ZWILCH: variants seen among roughly 807,000 people sequenced by gnomAD.
ZWILCH encodes protein zwilch homolog.
ZWILCH carries 74 observed loss-of-function variants against 79.9 expected under a neutral mutation model. That is an observed-to-expected ratio of 0.93 (90% CI 0.77 to 1.12). The LOEUF is 1.12. Ranked by LOEUF, ZWILCH falls within the 50% of genes most tolerant of loss-of-function variation. The pLI, the probability that ZWILCH is intolerant of heterozygous loss-of-function variation, is 0.00. For missense variants in ZWILCH, 694 were observed against 687.5 expected, an observed-to-expected ratio of 1.01 and a Z score of -0.11; for synonymous variants, 241 against 228.2, an observed-to-expected ratio of 1.06 and a Z score of -0.51.
intron 17 of ZWILCH, among the ~76,000 whole-genome samples, chr15:66,542,579 C>A (rs777851486): frequency 1.3e-5 from 2 of 151,832 alleles, no homozygotes; most frequent in East Asian, 3.9e-4. Context: ...AGCAAGATTT[C>A]GTCTCAAAAA....
chr15:66,518,374 T>C (rs55929621), intron 4 of ZWILCH, among the ~76,000 whole-genome samples: 10,385 of 149,046 alleles, frequency 0.07, 418 homozygotes, highest in Middle Eastern at 0.11. Context: ...CTGCAAGCTC[T>C]GCCTCCCGGG....
chr15:66,544,724 T>TTTTTTTTTTTTTTGTGTGTG (rs145952622), intron 17 of ZWILCH, among the ~76,000 whole-genome samples: 2 of 128,488 alleles, frequency 1.6e-5, no homozygotes, highest in East Asian at 2.5e-4. Flanking sequence ...TTTTTGGTTT[T>TTTTTTTTTTTTTTGTGTGTG]TGTGTGTGTG....
rs2140800875 is a variant in ZWILCH, at chr15:66,538,062, G to A, written c.1574+799G>A. On this transcript the variant is annotated intron_variant, in intron 16 of 18. Coordinates refer to ENST00000307897, the MANE Select transcript of ZWILCH (RefSeq NM_017975.5). The stretch of plus-strand genomic sequence containing the variant: ...AGAGAAGGGTTTGGGATTAGAGGAA[G>A]TAGGGAACTGTGAGGCTGAGATGAT... Among the ~76,000 whole-genome samples the A allele has an allele frequency of 2.0e-5, 3 of 152,338 alleles. No individual in the cohort carries two copies. The South Asian group carries it at 6.2e-4, about 32-fold the overall frequency.
chr15:66,531,760 A>T (rs1330898845), intron 12 of ZWILCH, among the ~76,000 whole-genome samples: 2 of 152,052 alleles, frequency 1.3e-5, no homozygotes, highest in African/African-American at 2.4e-5. Flanking sequence ...CCAGTTCCAG[A>T]AATGGCATTT....
chr15:66,540,334 G>T, intron 17 of ZWILCH, 124 bp downstream of exon 17: 2 of 647,904 alleles, frequency 3.1e-6, no homozygotes, highest in Non-Finnish European at 2.6e-6. Context: ...GGCAGATTGT[G>T]TGAGCTCAGG....
Position 66,548,561 on chromosome 15 carries a change from G to T in ZWILCH, c.*237G>T. The T allele has an allele frequency of 1.2e-6, 2 of 1,613,414 alleles. No homozygotes were observed. The highest frequency in any genetic ancestry group is 1.7e-5 in the Admixed American group (1 of 60,014). ...AGGACACAGAGGGAGCAGACAGTGG[G>T]TACCACGATCTCCGTAACCATTTGC... is the stretch of plus-strand genomic sequence containing the variant. On this transcript the variant is annotated 3_prime_UTR_variant, in exon 19 of 19. Coordinates refer to ENST00000307897, the MANE Select transcript of ZWILCH (RefSeq NM_017975.5).
chr15:66,506,342 A>G (rs1050704506), intron 1 of ZWILCH, among the ~76,000 whole-genome samples: 6 of 152,284 alleles, frequency 3.9e-5, no homozygotes, highest in Non-Finnish European at 8.8e-5. Flanking sequence ...TTTAGCTGCT[A>G]TATAGTATTT....
intron 15 of ZWILCH, among the ~76,000 whole-genome samples, chr15:66,536,423 A>C (rs1201437289): frequency 1.3e-5 from 2 of 152,244 alleles, no homozygotes; most frequent in African/African-American, 4.8e-5. Context: ...CCAGCCATCT[A>C]AATGATAACA....
chr15:66,516,392 G>C (rs991374565), intron 4 of ZWILCH, among the ~76,000 whole-genome samples: 1 of 152,094 alleles, frequency 6.6e-6, no homozygotes, highest in Non-Finnish European at 1.5e-5. Flanking sequence ...GTGTCCTGGC[G>C]AATATAGTCA....
chr15:66,511,311 C>G (rs561289142), intron 2 of ZWILCH, among the ~76,000 whole-genome samples: 1 of 151,970 alleles, frequency 6.6e-6, no homozygotes, highest in East Asian at 1.9e-4. Context: ...TATGGTGAGA[C>G]CTTGTCTCTA....
intron 2 of ZWILCH, among the ~76,000 whole-genome samples, chr15:66,509,637 T>C (rs1354048744): frequency 1.3e-5 from 2 of 151,960 alleles, no homozygotes. Context: ...CATATATTTA[T>C]TTAGTGTCTA....
intron 8 of ZWILCH, among the ~76,000 whole-genome samples, chr15:66,525,714 C>T (rs1251491238): frequency 6.6e-6 from 1 of 151,170 alleles, no homozygotes; most frequent in Admixed American, 6.6e-5. Context: ...TTCGCCTATG[C>T]TCCTAATCAT....
chr15:66,515,460 G>T, intron 3 of ZWILCH, 66 bp from the exon 4 acceptor site: 1 of 948,636 alleles, frequency 1.1e-6, no homozygotes, highest in Non-Finnish European at 1.7e-6. Flanking sequence ...CTGTAGCATA[G>T]TAAAGAGTCA....
In ZWILCH at chr15:66,520,923, A is replaced by C. The variant is rs1400092752; in HGVS notation, c.592-127A>C. The C allele has an allele frequency of 3.3e-5, 34 of 1,041,590 alleles. No homozygotes were observed. In the Middle Eastern group the frequency reaches 6.3e-4, roughly 19 times the overall value. The allele number at this position is 1,041,590 out of a possible 1,614,324, so 64.5% of individuals were successfully genotyped here. A position where few individuals can be genotyped will look rare whatever the true frequency, so the allele number is the denominator to read the frequency against. On this transcript the variant is annotated intron_variant, in intron 6 of 18. Coordinates refer to ENST00000307897, the MANE Select transcript of ZWILCH (RefSeq NM_017975.5). The stretch of plus-strand genomic sequence containing the variant: ...TATATCCCAAAAATATATGGAAAGT[A>C]TATATCCCAAAAGTATGGCGTGTGT...
chr15:66,510,264 A>G lies in ZWILCH; in HGVS notation c.105+1372A>G, dbSNP rs8027852. Among the ~76,000 whole-genome samples the G allele has an allele frequency of 2.7e-5, 4 of 145,902 alleles. No individual in the cohort carries two copies. In the South Asian group the frequency reaches 6.5e-4, roughly 24 times the overall value. The stretch of plus-strand genomic sequence containing the variant: ...ATGCCAGGTGCAGTAGCTTGTGCCT[A>G]TAGTCCCAGCTACTAGAGAGGCTGA... On this transcript the variant is annotated intron_variant, in intron 2 of 18. Coordinates refer to ENST00000307897, the MANE Select transcript of ZWILCH (RefSeq NM_017975.5).
At chr15:66,529,090 A>G (rs1894780824) in intron 11 of ZWILCH, 133 bp downstream of exon 11, 1 of 667,070 alleles carries the variant, frequency 1.5e-6, no homozygotes, top group South Asian at 2.0e-5. Context: ...ATTCATTTCT[A>G]ATGACACATT....
At chr15:66,522,280 T>C (rs1894523077) in intron 7 of ZWILCH, among the ~76,000 whole-genome samples, 1 of 151,484 alleles carries the variant, frequency 6.6e-6, no homozygotes, top group Non-Finnish European at 1.5e-5. Flanking sequence ...TCCAAAATAC[T>C]ATAAACAAAA....
intron 4 of ZWILCH, among the ~76,000 whole-genome samples, chr15:66,518,569 T>G (rs976445038): frequency 2.6e-5 from 4 of 152,104 alleles, no homozygotes; most frequent in African/African-American, 9.7e-5. Context: ...TCCCAACACT[T>G]TGGAAGGCTA....
chr15:66,513,950 A>C (rs1197269344), intron 2 of ZWILCH, 38 bp from the exon 3 acceptor site: 1 of 1,441,120 alleles, frequency 6.9e-7, no homozygotes, highest in Admixed American at 1.9e-5. Flanking sequence ...GAAATATATA[A>C]GTGTATGTAT....
Sources: gnomAD v4.1 joint callset for allele counts (sites outside exome capture counted in the v4.1 genomes callset) on GRCh38, gnomAD v4.1.1 for gene constraint, MANE v1.5 for transcripts, NCBI Gene and HGNC (gene_info 2026-07-23, HGNC 2026-07-21) for gene names.